SUPT3H: variants seen among roughly 807,000 people sequenced by gnomAD.
SUPT3H encodes the protein SPT3 homolog, SAGA and STAGA complex component, also known as transcription initiation protein SPT3 homolog.
SUPT3H carries 44 observed loss-of-function variants against 44.3 expected under a neutral mutation model. The ratio of observed to expected loss-of-function variants is 0.99; its 90% CI spans 0.78 to 1.28. The LOEUF is 1.28. Ranked by LOEUF, SUPT3H falls within the 50% of genes most tolerant of loss-of-function variation. The pLI is 0.00. For missense variants in SUPT3H, 380 were observed against 387.1 expected (o/e 0.98, Z 0.15); for synonymous variants, 124 against 125.6 (o/e 0.99, Z 0.09).
At chr6:44,914,415 T>A (rs1767506222) in intron 10 of SUPT3H, among the ~76,000 whole-genome samples, 1 of 152,196 alleles carries the variant, frequency 6.6e-6, no homozygotes, top group Admixed American at 6.5e-5. Flanking sequence ...TTCATACTTT[T>A]CCCAGTATGG....
At chr6:44,814,571 A>T (rs1292339401) in intron 11 of SUPT3H, among the ~76,000 whole-genome samples, 2 of 152,198 alleles carry the variant, frequency 1.3e-5, no homozygotes, top group East Asian at 3.9e-4. Context: ...AAGTCTTAAT[A>T]AACTCATCTA....
At position 44,944,896 on chromosome 6, in the gene SUPT3H, C is replaced by T. The variant is rs933189467; in HGVS notation, c.801+8414G>A. On this transcript the variant is annotated intron_variant, in intron 9 of 10. Coordinates refer to ENST00000371459, the MANE Select transcript of SUPT3H (RefSeq NM_003599.4). ...AATATATTATATTTATCTTTCAATACAGGCATACCTCACTTTATTGCACTT... is the reference window on the plus strand; with the variant it reads ...AATATATTATATTTATCTTTCAATATAGGCATACCTCACTTTATTGCACTT... 3.3e-5 allele frequency among the ~76,000 whole-genome samples: 5 copies of T among 150,824 alleles called. No individual in the cohort carries two copies. The South Asian group carries it at 8.4e-4, about 25-fold the overall frequency.
At chr6:45,358,278 G>T (rs761142377) in intron 2 of SUPT3H, among the ~76,000 whole-genome samples, 1 of 152,106 alleles carries the variant, frequency 6.6e-6, no homozygotes, top group Non-Finnish European at 1.5e-5. Flanking sequence ...TGTTTGCTAA[G>T]TTTATGGCTA....
At chr6:45,115,283 G>A (rs537730301) in intron 2 of SUPT3H, among the ~76,000 whole-genome samples, 1 of 152,206 alleles carries the variant, frequency 6.6e-6, no homozygotes, top group South Asian at 2.1e-4. Flanking sequence ...ACAGAGATAA[G>A]AGAATTTTGT....
At chr6:45,246,986 G>T (rs1429159382) in intron 2 of SUPT3H, among the ~76,000 whole-genome samples, 1 of 152,098 alleles carries the variant, frequency 6.6e-6, no homozygotes, top group Non-Finnish European at 1.5e-5. Context: ...AGAAATCAAT[G>T]ATATTGAAAA....
At chr6:45,093,738 A>C (rs1427097173) in intron 3 of SUPT3H, among the ~76,000 whole-genome samples, 1 of 152,170 alleles carries the variant, frequency 6.6e-6, no homozygotes, top group African/African-American at 2.4e-5. Flanking sequence ...ACTTTTTATA[A>C]TTCAAGATTA....
intron 7 of SUPT3H, among the ~76,000 whole-genome samples, chr6:44,958,026 GA>G (rs1775464871): frequency 6.6e-6 from 1 of 152,122 alleles, no homozygotes; most frequent in Non-Finnish European, 1.5e-5. Context: ...TTTTCATCAA[GA>G]GGTGAGAGGG....
intron 2 of SUPT3H, among the ~76,000 whole-genome samples, chr6:45,165,756 T>C (rs1809738167): frequency 6.6e-6 from 1 of 150,650 alleles, no homozygotes; most frequent in Non-Finnish European, 1.5e-5. Flanking sequence ...AAAGGAAGAA[T>C]CCAAAAACAT....
chr6:44,948,665 G>A (rs1259553922), intron 9 of SUPT3H, among the ~76,000 whole-genome samples: 2 of 152,194 alleles, frequency 1.3e-5, no homozygotes, highest in Non-Finnish European at 2.9e-5. Flanking sequence ...GGCCATCAGA[G>A]AAATGCAAAT....
At chr6:45,215,878 A>G (rs907199629) in intron 2 of SUPT3H, among the ~76,000 whole-genome samples, 13 of 152,208 alleles carry the variant, frequency 8.5e-5, no homozygotes, top group Non-Finnish European at 4.4e-5. Context: ...GAAGCAGAAT[A>G]TAGTCAAACT....
At position 45,290,976 on chromosome 6, in the gene SUPT3H, C is replaced by T. The variant is rs544064183; in HGVS notation, c.101+74225G>A. 5.9e-5 allele frequency among the ~76,000 whole-genome samples: 9 copies of T among 152,234 alleles called. No individual in the cohort carries two copies. In the East Asian group the frequency reaches 1.7e-3, roughly 29 times the overall value. On this transcript the variant is annotated intron_variant, in intron 2 of 10. Coordinates refer to ENST00000371459, the MANE Select transcript of SUPT3H (RefSeq NM_003599.4). ...AGGCTCGCATCATGAATTTTTGCTC[C>T]AGAACGACTGCAGGAATAAATCAGG... is the stretch of plus-strand genomic sequence containing the variant.
chr6:44,865,489 C>A (rs1775353446), intron 10 of SUPT3H, among the ~76,000 whole-genome samples: 1 of 152,054 alleles, frequency 6.6e-6, no homozygotes, highest in African/African-American at 2.4e-5. Context: ...AATGGACTCA[C>A]AGTTCCACGT....
intron 2 of SUPT3H, among the ~76,000 whole-genome samples, chr6:45,131,667 A>G (rs1349070557): frequency 6.6e-6 from 1 of 152,270 alleles, no homozygotes; most frequent in Non-Finnish European, 1.5e-5. Flanking sequence ...ATGTATAAAT[A>G]TGAAAAAAGA....
intron 2 of SUPT3H, among the ~76,000 whole-genome samples, chr6:45,277,362 TGG>T (rs1434324778): frequency 6.6e-6 from 1 of 152,208 alleles, no homozygotes; most frequent in African/African-American, 2.4e-5. Flanking sequence ...CTAATATGTC[TGG>T]AATCCTCAGG....
rs75699561 is a variant in SUPT3H, at chr6:45,273,851, C to T, written c.101+91350G>A. Among the ~76,000 whole-genome samples, 1,202 of 152,200 alleles carry T rather than the reference C, an allele frequency of 7.9e-3. 17 individuals are homozygous for T. Among genetic ancestry groups the T allele is most frequent in the African/African-American group, 0.027 (1,102 of 41,518 alleles). On this transcript the variant is annotated intron_variant, in intron 2 of 10. Transcript: ENST00000371459. ...CACTAGGAGTGAATCTGCTCGATCA[C>T]GTGGGAAATCTGTATTCATTTAACC...
intron 6 of SUPT3H, among the ~76,000 whole-genome samples, chr6:45,001,864 A>T (rs1488107597): frequency 2.0e-5 from 3 of 152,082 alleles, no homozygotes; most frequent in African/African-American, 7.2e-5. Flanking sequence ...AACTCTTGAA[A>T]CTATAACCTA....
At chr6:44,974,620 C>T (rs766151784) in intron 6 of SUPT3H, among the ~76,000 whole-genome samples, 4 of 152,128 alleles carry the variant, frequency 2.6e-5, no homozygotes, top group Admixed American at 6.5e-5. Flanking sequence ...CCCCACACAC[C>T]GGACAAAGTG....
At chr6:44,930,546 C>A (rs1306667406) in intron 10 of SUPT3H, among the ~76,000 whole-genome samples, 5 of 106,534 alleles carry the variant, frequency 4.7e-5, no homozygotes, top group African/African-American at 1.9e-4. Flanking sequence ...CCTGGGCAAA[C>A]AGAGTGAGAC....
chr6:45,202,646 C>T (rs1339914581), intron 2 of SUPT3H, among the ~76,000 whole-genome samples: 1 of 152,030 alleles, frequency 6.6e-6, no homozygotes, highest in Non-Finnish European at 1.5e-5. Flanking sequence ...TACATTATTA[C>T]TACTCGTACT....
Sources: gnomAD v4.1 joint callset for allele counts (sites outside exome capture counted in the v4.1 genomes callset) on GRCh38, gnomAD v4.1.1 for gene constraint, MANE v1.5 for transcripts, NCBI Gene and HGNC (gene_info 2026-07-23, HGNC 2026-07-21) for gene names.